Variants in CASZ1 observed in about 807,000 individuals in gnomAD.
CASZ1 encodes the protein zinc finger protein castor homolog 1.
CASZ1 carries 28 observed loss-of-function variants against 135.2 expected under a neutral mutation model. That is an observed-to-expected ratio of 0.21 (90% CI 0.15 to 0.28). The LOEUF (loss-of-function observed/expected upper bound fraction) is 0.28, where lower values mean the gene tolerates loss of function less well. Among genes scored for constraint, CASZ1 ranks in the 10% least tolerant of loss-of-function variants. The probability of loss-of-function intolerance (pLI) is 1.00; values close to 1 mark genes in which losing one functional copy is unlikely to be tolerated. For synonymous variants in CASZ1, 1,068 were observed against 1,073.4 expected (o/e 0.99, Z 0.10); for missense variants, 2,161 against 2,453.3 (o/e 0.88, Z 2.52).
At chr1:10,683,068 C>A (rs1638478517) in intron 4 of CASZ1, among the ~76,000 whole-genome samples, 1 of 152,368 alleles carries the variant, frequency 6.6e-6, no homozygotes, top group East Asian at 1.9e-4. Context: ...GCTTAAACAG[C>A]AACGGTCACA....
intron 2 of CASZ1, among the ~76,000 whole-genome samples, chr1:10,723,625 C>T (rs1449840562): frequency 6.6e-6 from 1 of 152,216 alleles, no homozygotes; most frequent in African/African-American, 2.4e-5. Context: ...CTGCGCTTTG[C>T]AGGTGCCTTT....
chr1:10,707,072 C>A lies in CASZ1; in HGVS notation c.-76-1528G>T, dbSNP rs551939717. 1.5e-4 allele frequency among the ~76,000 whole-genome samples: 23 copies of A among 152,006 alleles called. No homozygotes were observed. Among genetic ancestry groups the A allele is most frequent in the Middle Eastern group, 3.2e-3 (1 of 316 alleles). On this transcript the variant is annotated intron_variant, in intron 2 of 20. Transcript: ENST00000377022. The surrounding 1 kb of genome is among the most constrained non-coding windows in gnomAD (Gnocchi z 5.0). The stretch of plus-strand genomic sequence containing the variant: ...CAGCCATCAGAGCTCGAGTCCTGGC[C>A]GGTCAGCCCAGGGCCCTGGCTGGGG...
rs901582553 is a variant in CASZ1, at chr1:10,773,656, C to T, written c.-233-12799G>A. ...TGGCCGGGGGAACGCATGGACCAGGCAACGGGCTCCCCCAAACCAAGCAGG... is the reference window on the plus strand; with the variant it reads ...TGGCCGGGGGAACGCATGGACCAGGTAACGGGCTCCCCCAAACCAAGCAGG... On this transcript the variant is annotated intron_variant, in intron 1 of 20. Transcript: ENST00000377022. 1.3e-5 allele frequency among the ~76,000 whole-genome samples: 2 copies of T among 152,014 alleles called. 1 individual carries two copies. Among genetic ancestry groups the T allele is most frequent in the Admixed American group, 1.3e-4 (2 of 15,274 alleles).
chr1:10,721,818 C>A lies in CASZ1; in HGVS notation c.-76-16274G>T, dbSNP rs1190387869. Among the ~76,000 whole-genome samples, 5 of 151,270 alleles carry A rather than the reference C, an allele frequency of 3.3e-5. No individual in the cohort carries two copies. Reference sequence around the variant, plus strand: ...TCTGGGTCGTGGTGGAGGCCAACTGCCTTTTTGCTGCCTGACCTGCCTGCT... The same window carrying A: ...TCTGGGTCGTGGTGGAGGCCAACTGACTTTTTGCTGCCTGACCTGCCTGCT... On this transcript the variant is annotated intron_variant, in intron 2 of 20. Transcript: ENST00000377022. This position sits in a 1 kb window ranked among gnomAD's most constrained non-coding sequence, Gnocchi z 5.4.
At chr1:10,742,881 A>G (rs999084727) in intron 2 of CASZ1, among the ~76,000 whole-genome samples, 2 of 152,128 alleles carry the variant, frequency 1.3e-5, no homozygotes, top group South Asian at 2.1e-4. Flanking sequence ...GTTACTCGGG[A>G]GGCTGAGATG....
intron 2 of CASZ1, among the ~76,000 whole-genome samples, chr1:10,729,022 C>T (rs868866540): frequency 6.6e-6 from 1 of 150,896 alleles, no homozygotes; most frequent in Non-Finnish European, 1.5e-5. Flanking sequence ...GTGCCCGGAC[C>T]GAGGGGACAA....
At chr1:10,785,296 T>TTCCC (rs1274547222) in intron 1 of CASZ1, among the ~76,000 whole-genome samples, 2 of 151,138 alleles carry the variant, frequency 1.3e-5, no homozygotes, top group Non-Finnish European at 3.0e-5. Flanking sequence ...TTCTCTTTCC[T>TTCCC]TCCCTCCCTC....
Position 10,717,427 on chromosome 1 carries a change from T to G in CASZ1, c.-76-11883A>C, listed in dbSNP as rs1462472596. On this transcript the variant is annotated intron_variant, in intron 2 of 20. Coordinates refer to ENST00000377022, the MANE Select transcript of CASZ1 (RefSeq NM_001079843.3). This position sits in a 1 kb window ranked among gnomAD's most constrained non-coding sequence, Gnocchi z 4.6. Reference sequence around the variant, plus strand: ...TTTTTTGCTATTTATCAGCAGGTTGTGTGGAGCTGAGTGGTGTGAGCCTCA... The same window carrying G: ...TTTTTTGCTATTTATCAGCAGGTTGGGTGGAGCTGAGTGGTGTGAGCCTCA... Among the ~76,000 whole-genome samples, 1 of 152,104 alleles carries G rather than the reference T, an allele frequency of 6.6e-6. No individual in the cohort carries two copies. Among genetic ancestry groups the G allele is most frequent in the African/African-American group, 2.4e-5 (1 of 41,390 alleles).
At chr1:10,796,292 G>A (rs1641069685) in intron 1 of CASZ1, among the ~76,000 whole-genome samples, 1 of 152,008 alleles carries the variant, frequency 6.6e-6, no homozygotes, top group African/African-American at 2.4e-5. Context: ...GCATTCCCCT[G>A]GCCACGGCAG....
In CASZ1 at chr1:10,638,912, G is replaced by A; in HGVS notation, c.*30C>T. The A allele has an allele frequency of 2.1e-6, 2 of 962,506 alleles. No homozygotes were observed. The highest frequency in any genetic ancestry group is 2.4e-6 in the Non-Finnish European group (2 of 823,748). The allele number at this position is 962,506 out of a possible 1,614,324, so 59.6% of individuals were successfully genotyped here. A position where few individuals can be genotyped will look rare whatever the true frequency, so the allele number is the denominator to read the frequency against. ...GCGCCGCTCCCGAGGCCGAGGCCGA[G>A]GCCGCCGCCAGGGCCACCCGCGGGC... On this transcript the variant is annotated 3_prime_UTR_variant, in exon 21 of 21. Coordinates refer to ENST00000377022, the MANE Select transcript of CASZ1 (RefSeq NM_001079843.3). The surrounding 1 kb of genome is among the most constrained non-coding windows in gnomAD (Gnocchi z 5.9).
At chr1:10,661,839 AAC>A (rs1330139685) in intron 5 of CASZ1, among the ~76,000 whole-genome samples, 2 of 152,000 alleles carry the variant, frequency 1.3e-5, no homozygotes, top group African/African-American at 2.4e-5. Flanking sequence ...AATCACATAC[AAC>A]ACACACATGC....
intron 4 of CASZ1, among the ~76,000 whole-genome samples, chr1:10,674,964 C>T (rs1403178654): frequency 6.6e-6 from 1 of 152,190 alleles, no homozygotes; most frequent in Non-Finnish European, 1.5e-5. Context: ...CCAAGCCCTC[C>T]GTGGGGATGC....
chr1:10,688,966 T>G (rs911413116), intron 4 of CASZ1, among the ~76,000 whole-genome samples: 2 of 151,672 alleles, frequency 1.3e-5, no homozygotes, highest in Non-Finnish European at 2.9e-5. Flanking sequence ...GCAACTTCCT[T>G]CCCCCTCTGA....
intron 3 of CASZ1, among the ~76,000 whole-genome samples, chr1:10,702,809 T>C (rs1639090561): frequency 6.6e-6 from 1 of 152,184 alleles, no homozygotes; most frequent in African/African-American, 2.4e-5. Flanking sequence ...CTGCAAACTG[T>C]CCATTATGGG....
At chr1:10,659,638 G>T in intron 6 of CASZ1, 64 bp downstream of exon 6, 2 of 1,335,010 alleles carry the variant, frequency 1.5e-6, no homozygotes, top group Non-Finnish European at 1.1e-6. Context: ...CCCTGGTGAG[G>T]AAGGAGGCCT....
Position 10,660,130 on chromosome 1 carries a change from G to A in CASZ1, c.912C>T (p.Asn304=), listed in dbSNP as rs61776296. ...CGTACTTGGAGGCCCGGGCTACCAG[G>A]TTCTGCATCTGGACACTGCTGTGCG... ...LPSHSSVQMQ[N]LVARASKYDF... is the part of the protein sequence containing the mutation. The change falls in exon 6 of 21, where the codon AAC becomes AAT. Residue 304 remains asparagine (N), a synonymous_variant. Coordinates refer to ENST00000377022, the MANE Select transcript of CASZ1 (RefSeq NM_001079843.3). 2 of 1,614,052 alleles carry A rather than the reference G, an allele frequency of 1.2e-6. No individual in the cohort carries two copies. The highest frequency in any genetic ancestry group is 1.3e-5 in the African/African-American group (1 of 74,924).
chr1:10,700,050 AAGAGAGACAG>A lies in CASZ1; in HGVS notation c.-24+5432_-24+5441del, dbSNP rs1639026095. 8.5e-6 allele frequency among the ~76,000 whole-genome samples: 1 copy of A among 117,732 alleles called. No individual in the cohort carries two copies. Among genetic ancestry groups the A allele is most frequent in the Admixed American group, 8.3e-5 (1 of 12,062 alleles). 77.2% of individuals were successfully genotyped at this position (117,732 alleles called of 152,430 possible). On this transcript the variant is annotated intron_variant, in intron 3 of 20. Coordinates refer to ENST00000377022, the MANE Select transcript of CASZ1 (RefSeq NM_001079843.3). The surrounding 1 kb of genome is among the most constrained non-coding windows in gnomAD (Gnocchi z 4.2). ...AGAGAGAGAGACAGAGAGAGAGAGAAAGAGAGACAGAGAGAGAAAGAGAGATAGAGACACA... is the reference window on the plus strand; with the variant it reads ...AGAGAGAGAGACAGAGAGAGAGAGAAAGAGAGAAAGAGAGATAGAGACACA...
chr1:10,793,454 A>T (rs952038914), intron 1 of CASZ1, among the ~76,000 whole-genome samples: 1 of 152,192 alleles, frequency 6.6e-6, no homozygotes, highest in Non-Finnish European at 1.5e-5. Context: ...AAGTCTAAAA[A>T]ACAAACAAAC....
chr1:10,653,227 C>T (rs550271550), intron 11 of CASZ1, 150 bp downstream of exon 11: 41 of 849,456 alleles, frequency 4.8e-5, no homozygotes, highest in East Asian at 1.0e-4. Flanking sequence ...AGGATGGGGG[C>T]GAAGATCAGG....
Sources: allele counts gnomAD v4.1 joint callset (sites outside exome capture counted in the v4.1 genomes callset), GRCh38; gene constraint gnomAD v4.1.1; non-coding constraint Gnocchi (gnomAD v3.1); transcripts MANE v1.5; gene names NCBI Gene and HGNC (gene_info 2026-07-23, HGNC 2026-07-21).